Variants in PPP1R12B observed in about 807,000 individuals in gnomAD.
PPP1R12B encodes protein phosphatase 1 regulatory subunit 12B.
PPP1R12B carries 76 observed loss-of-function variants against 126.1 expected under a neutral mutation model. That is an observed-to-expected ratio of 0.60 (90% CI 0.50 to 0.73). PPP1R12B has a LOEUF of 0.73. Among genes scored for constraint, PPP1R12B ranks in the 30% least tolerant of loss-of-function variants. The pLI, the probability that PPP1R12B is intolerant of heterozygous loss-of-function variation, is 0.00. For missense variants in PPP1R12B, 1,052 were observed against 1,205.1 expected (o/e 0.87, Z 1.88); for synonymous variants, 356 against 434.7 (o/e 0.82, Z 2.25).
chr1:202,452,164 C>T (rs1673061412), intron 13 of PPP1R12B, among the ~76,000 whole-genome samples: 1 of 152,210 alleles, frequency 6.6e-6, no homozygotes. Flanking sequence ...CGGGCAGAGG[C>T]TGCAATCTCG....
intron 12 of PPP1R12B, among the ~76,000 whole-genome samples, chr1:202,444,523 G>A (rs1255868348): frequency 2.0e-5 from 3 of 151,992 alleles, no homozygotes; most frequent in Non-Finnish European, 4.4e-5. Flanking sequence ...TTTTCACAGA[G>A]CTTCTTTACT....
rs777654887 is a variant in PPP1R12B at position 202,428,825 on chromosome 1, A to G, written c.847-30A>G. On this transcript the variant is annotated intron_variant, in intron 5 of 23. Coordinates refer to ENST00000608999, the MANE Select transcript of PPP1R12B (RefSeq NM_002481.4). ...CACGTAATTGCTGCTTCTGTTTTCT[A>G]TCAGTCATGGTGCTCCTTTTCTCTG... 12 of 1,583,970 alleles carry G rather than the reference A, an allele frequency of 7.6e-6. No homozygotes were observed. In the East Asian group the frequency reaches 9.1e-5, roughly 12 times the overall value.
At chr1:202,403,363 A>G (rs1436067883) in intron 1 of PPP1R12B, among the ~76,000 whole-genome samples, 2 of 152,262 alleles carry the variant, frequency 1.3e-5, no homozygotes, top group Non-Finnish European at 2.9e-5. Flanking sequence ...TTAATTTACC[A>G]ACTCATTTTC....
chr1:202,366,781 A>G (rs1296440343), intron 1 of PPP1R12B, among the ~76,000 whole-genome samples: 2 of 152,124 alleles, frequency 1.3e-5, no homozygotes, highest in Non-Finnish European at 2.9e-5. Flanking sequence ...TAAATAGAAA[A>G]CTTCATTTAC....
intron 13 of PPP1R12B, chr1:202,463,008 G>C: frequency 4.1e-6 from 4 of 985,420 alleles, no homozygotes; most frequent in Non-Finnish European, 4.8e-6. Flanking sequence ...CTCTGCCATA[G>C]TTTGTTAGTA....
In PPP1R12B at chr1:202,565,676, C is replaced by A. The variant is rs577058868; in HGVS notation, c.2757+1129C>A. On this transcript the variant is annotated intron_variant, in intron 21 of 23. Transcript: ENST00000608999. The surrounding 1 kb of genome is among the most constrained non-coding windows in gnomAD (Gnocchi z 4.3). ...TGAACTGCCTGTCAGTTTAGAAGAG[C>A]CACCCCCTTTTTCCTGATTATAGTA... is the stretch of plus-strand genomic sequence containing the variant. 6.6e-6 allele frequency among the ~76,000 whole-genome samples: 1 copy of A among 152,262 alleles called. No homozygotes were observed. Among genetic ancestry groups the A allele is most frequent in the South Asian group, 2.1e-4 (1 of 4,822 alleles).
intron 1 of PPP1R12B, among the ~76,000 whole-genome samples, chr1:202,414,294 G>A (rs1571900201): frequency 6.6e-6 from 1 of 152,262 alleles, no homozygotes; most frequent in Middle Eastern, 3.4e-3. Flanking sequence ...CATGCAGTGT[G>A]GAAACTGAAA....
intron 18 of PPP1R12B, among the ~76,000 whole-genome samples, chr1:202,521,874 G>A (rs948733300): frequency 3.9e-5 from 6 of 152,132 alleles, no homozygotes; most frequent in African/African-American, 1.2e-4. Context: ...ATGTAACACA[G>A]GATAGATAAA....
At chr1:202,424,161 G>C (rs1226762561) in intron 3 of PPP1R12B, among the ~76,000 whole-genome samples, 1 of 152,122 alleles carries the variant, frequency 6.6e-6, no homozygotes, top group Non-Finnish European at 1.5e-5. Context: ...TTCAATGAGG[G>C]AACATACTCT....
intron 18 of PPP1R12B, among the ~76,000 whole-genome samples, chr1:202,497,378 C>G (rs78304085): frequency 0.014 from 2,183 of 152,304 alleles, 66 homozygotes; most frequent in African/African-American, 0.05. Context: ...GTAAGCCACT[C>G]AGACATGATT....
At chr1:202,370,918 A>G (rs2148447776) in intron 1 of PPP1R12B, among the ~76,000 whole-genome samples, 2 of 152,006 alleles carry the variant, frequency 1.3e-5, no homozygotes, top group East Asian at 3.9e-4. Context: ...CCTAGCAATG[A>G]ATTAGAATTC....
At chr1:202,430,590 C>CT (rs1321003334) in intron 6 of PPP1R12B, 141 bp from the exon 7 acceptor site, 1 of 751,746 alleles carries the variant, frequency 1.3e-6, no homozygotes, top group Non-Finnish European at 2.1e-6. Context: ...ATATGTTTCT[C>CT]TTTTTCTCGG....
Position 202,584,716 on chromosome 1 carries a change from A to T in PPP1R12B, c.*4156A>T, listed in dbSNP as rs916238231. ...GAACTATTTAAAAGTGTTGCCAGTTATTCAGCTTCCAGGCGGCTTTGCACC... is the reference window on the plus strand; with the variant it reads ...GAACTATTTAAAAGTGTTGCCAGTTTTTCAGCTTCCAGGCGGCTTTGCACC... On this transcript the variant is annotated 3_prime_UTR_variant, in exon 24 of 24. Coordinates refer to ENST00000608999, the MANE Select transcript of PPP1R12B (RefSeq NM_002481.4). 1 of 152,254 alleles carries T rather than the reference A, an allele frequency of 6.6e-6. No individual in the cohort carries two copies. The highest frequency in any genetic ancestry group is 1.5e-5 in the Non-Finnish European group (1 of 68,058). 9.4% of individuals were successfully genotyped at this position (152,254 alleles called of 1,614,324 possible).
chr1:202,390,360 A>T (rs1663941064), intron 1 of PPP1R12B, among the ~76,000 whole-genome samples: 1 of 152,178 alleles, frequency 6.6e-6, no homozygotes, highest in African/African-American at 2.4e-5. Flanking sequence ...ATGACCTCGG[A>T]TTGATTAATT....
intron 12 of PPP1R12B, among the ~76,000 whole-genome samples, chr1:202,445,394 C>A (rs2148706217): frequency 6.6e-6 from 1 of 152,272 alleles, no homozygotes; most frequent in South Asian, 2.1e-4. Flanking sequence ...TTGTATTAAC[C>A]AGTCAACAGT....
Position 202,349,131 on chromosome 1 carries a change from G to T in PPP1R12B, c.280G>T (p.Ala94Ser), listed in dbSNP as rs1345232693. 33 of 1,613,824 alleles carry T rather than the reference G, an allele frequency of 2.0e-5. No homozygotes were observed. The highest frequency in any genetic ancestry group is 3.3e-4 in the Middle Eastern group (2 of 6,084). ...INTVNVDGLTALHQACIDENL... is the reference protein window; with the variant it reads ...INTVNVDGLTSLHQACIDENL... ...CACGGTCAACGTGGACGGCTTGACA[G>T]CCCTGCACCAGGTAACTCCTTTCTT... Residue 94 changes from alanine (A) to serine (S), a missense_variant, in exon 1 of 24, where the codon GCC (alanine) becomes TCC (serine). Ala to Ser is a moderately conservative substitution (Grantham distance 99). Coordinates refer to ENST00000608999, the MANE Select transcript of PPP1R12B (RefSeq NM_002481.4).
At chr1:202,559,659 A>G (rs781330529) in intron 19 of PPP1R12B, among the ~76,000 whole-genome samples, 32 of 152,304 alleles carry the variant, frequency 2.1e-4, no homozygotes, top group African/African-American at 4.6e-4. Context: ...AGATATAGTT[A>G]TGGGACTATA....
In PPP1R12B at chr1:202,496,664, A is replaced by G. The variant is rs867493870; in HGVS notation, c.2449-117A>G. On this transcript the variant is annotated intron_variant, in intron 17 of 23. Transcript: ENST00000608999. ...GTAACAGAGCATCACTTGGAAGTCA[A>G]TTCTCATTGCCCATGTTTGAAATGC... is the stretch of plus-strand genomic sequence containing the variant. 53 of 865,498 alleles carry G rather than the reference A, an allele frequency of 6.1e-5. No individual in the cohort carries two copies. The Middle Eastern group carries it at 1.8e-3, about 30-fold the overall frequency. 53.6% of individuals were successfully genotyped at this position (865,498 alleles called of 1,614,324 possible).
intron 13 of PPP1R12B, among the ~76,000 whole-genome samples, chr1:202,463,544 A>C (rs1254432082): frequency 6.6e-6 from 1 of 152,178 alleles, no homozygotes; most frequent in Non-Finnish European, 1.5e-5. Context: ...AAAGAAGCTC[A>C]TTTACATAGG....
Sources: gnomAD v4.1 joint callset for allele counts (sites outside exome capture counted in the v4.1 genomes callset) on GRCh38, gnomAD v4.1.1 for gene constraint, Gnocchi (gnomAD v3.1) non-coding constraint, MANE v1.5 for transcripts, NCBI Gene and HGNC (gene_info 2026-07-23, HGNC 2026-07-21) for gene names.